Variants in SNAP23 observed in about 807,000 individuals in gnomAD.
SNAP23 encodes synaptosome associated protein 23.
A neutral mutation model predicts 29.0 loss-of-function variants in SNAP23; 11 were observed. The ratio of observed to expected loss-of-function variants is 0.38; its 90% CI spans 0.24 to 0.63. The LOEUF (loss-of-function observed/expected upper bound fraction) is 0.63. Among genes scored for constraint, SNAP23 ranks in the 20% least tolerant of loss-of-function variants. SNAP23 has a pLI of 0.58. For missense variants in SNAP23, 220 were observed against 253.9 expected, an observed-to-expected ratio of 0.87 and a Z score of 0.91; for synonymous variants, 60 against 82.9, an observed-to-expected ratio of 0.72 and a Z score of 1.50.
At position 42,531,469 on chromosome 15, in the gene SNAP23, T is replaced by A; in HGVS notation, c.627T>A (p.Ile209=). The A allele has an allele frequency of 3.7e-6, 6 of 1,602,234 alleles. No homozygotes were observed. The highest frequency in any genetic ancestry group is 5.1e-6 in the Non-Finnish European group (6 of 1,175,190). Residue 209 remains isoleucine (I), a synonymous_variant, in exon 8 of 8, where the codon ATT becomes ATA. Coordinates refer to ENST00000249647, the MANE Select transcript of SNAP23 (RefSeq NM_003825.4). ...CCAATGCCAGAGCAAAGAAACTCAT[T>A]GACAGCTAAAGCTACTGCTGTTCTT... The part of the protein sequence containing the change: ...DIANARAKKL[I]DS
upstream of SNAP23, chr15:42,491,487 G>C (rs565205552): frequency 6.6e-6 from 1 of 152,252 alleles, no homozygotes; most frequent in Non-Finnish European, 1.5e-5. Flanking sequence ...ACTTTCTGAA[G>C]TTGAATGGAA....
chr15:42,509,424 A>T (rs1205760364), intron 1 of SNAP23, among the ~76,000 whole-genome samples: 1 of 151,816 alleles, frequency 6.6e-6, no homozygotes, highest in Admixed American at 6.6e-5. Flanking sequence ...TAATGGCTTT[A>T]ATCAAGGCTC....
intron 1 of SNAP23, among the ~76,000 whole-genome samples, chr15:42,500,622 T>G (rs1375420972): frequency 6.6e-6 from 1 of 152,046 alleles, no homozygotes; most frequent in Non-Finnish European, 1.5e-5. Context: ...ACTCCTGACC[T>G]CAGATGATCT....
At chr15:42,519,096 C>T (rs1338598670) in intron 5 of SNAP23, among the ~76,000 whole-genome samples, 1 of 151,028 alleles carries the variant, frequency 6.6e-6, no homozygotes, top group Non-Finnish European at 1.5e-5. Flanking sequence ...ACTCTGTTGC[C>T]CAGGCTAGAG....
chr15:42,512,846 G>A (rs780789023), intron 2 of SNAP23, 109 bp from the exon 3 acceptor site: 19 of 775,374 alleles, frequency 2.5e-5, no homozygotes, highest in African/African-American at 1.0e-4. Flanking sequence ...CACTGTGCCC[G>A]GCCTGAGCTG....
rs2057570584 is a variant in SNAP23, at chr15:42,532,077, T to C, written c.*599T>C. 1 of 152,076 alleles carries C rather than the reference T, an allele frequency of 6.6e-6. No homozygotes were observed. The highest frequency in any genetic ancestry group is 2.1e-4 in the South Asian group (1 of 4,838). The allele number at this position is 152,076 out of a possible 1,614,324, so 9.4% of individuals were successfully genotyped here. ...GCAACCTCTGCTCCAAAGAGAAAAA[T>C]AGAATGAGTTTTCTTTCTTTTTTTT... On this transcript the variant is annotated 3_prime_UTR_variant, in exon 8 of 8. Transcript: ENST00000249647.
rs557777270 is a variant in SNAP23 at position 42,496,595 on chromosome 15, T to C, written c.-15+882T>C. Among the ~76,000 whole-genome samples, 9 of 152,196 alleles carry C rather than the reference T, an allele frequency of 5.9e-5. No homozygotes were observed. In the South Asian group the frequency reaches 1.0e-3, roughly 18 times the overall value. ...AGCCAGGCGTGGTGGTATATGCTTG[T>C]AATCCCAGCTACTCCGGAGGCTGAG... On this transcript the variant is annotated intron_variant, in intron 1 of 7. Coordinates refer to ENST00000249647, the MANE Select transcript of SNAP23 (RefSeq NM_003825.4).
chr15:42,524,910 C>A (rs2088928873), intron 5 of SNAP23, among the ~76,000 whole-genome samples: 1 of 152,130 alleles, frequency 6.6e-6, no homozygotes, highest in South Asian at 2.1e-4. Context: ...CTTGAGCAAC[C>A]AAAAGGCATT....
At chr15:42,526,242 T>C (rs1231704874) in intron 5 of SNAP23, among the ~76,000 whole-genome samples, 1 of 152,254 alleles carries the variant, frequency 6.6e-6, no homozygotes, top group Non-Finnish European at 1.5e-5. Flanking sequence ...CCTGGGACCT[T>C]TCTTATTATT....
chr15:42,529,392 C>T (rs1271047756), intron 6 of SNAP23, among the ~76,000 whole-genome samples: 1 of 152,174 alleles, frequency 6.6e-6, no homozygotes, highest in Non-Finnish European at 1.5e-5. Flanking sequence ...TGAGAATTAG[C>T]ATTCTCATGT....
At chr15:42,494,326 T>TA (rs1359606654), upstream of SNAP23, among the ~76,000 whole-genome samples, 13 of 150,426 alleles carry the variant, frequency 8.6e-5, no homozygotes, top group Middle Eastern at 3.3e-3. Context: ...GTTATGAAAT[T>TA]AAAAAAAACA....
intron 1 of SNAP23, among the ~76,000 whole-genome samples, chr15:42,503,259 C>T (rs1277228876): frequency 2.0e-5 from 3 of 151,834 alleles, no homozygotes; most frequent in Non-Finnish European, 2.9e-5. Context: ...TGGAGTGCAG[C>T]GGTGCGATCT....
chr15:42,518,948 G>A (rs1237037510), intron 5 of SNAP23, among the ~76,000 whole-genome samples: 7 of 151,584 alleles, frequency 4.6e-5, no homozygotes, highest in Non-Finnish European at 1.0e-4. Flanking sequence ...CTGCAGCCTC[G>A]ACCTCCTAGG....
At chr15:42,497,249 C>T (rs1448887367) in intron 1 of SNAP23, among the ~76,000 whole-genome samples, 1 of 145,904 alleles carries the variant, frequency 6.9e-6, no homozygotes, top group Non-Finnish European at 1.5e-5. Context: ...TGCTCTGTCG[C>T]TCAGGCTGGA....
In SNAP23 at chr15:42,530,263, AAATT is replaced by A. The variant is rs577835295; in HGVS notation, c.570+447_570+450del. Among the ~76,000 whole-genome samples, 33 of 152,336 alleles carry A rather than the reference AAATT, an allele frequency of 2.2e-4. No homozygotes were observed. In the South Asian group the frequency reaches 3.5e-3, roughly 16 times the overall value. On this transcript the variant is annotated intron_variant, in intron 7 of 7. Transcript: ENST00000249647. ...TCAGCCTATTTTGTTAACTAAAAATAAATTAAGTTCCTGAATCCTCATCTCATGA... is the reference window on the plus strand; with the variant it reads ...TCAGCCTATTTTGTTAACTAAAAATAAAGTTCCTGAATCCTCATCTCATGA...
intron 5 of SNAP23, among the ~76,000 whole-genome samples, chr15:42,520,160 G>C (rs1595526127): frequency 6.9e-6 from 1 of 145,084 alleles, no homozygotes; most frequent in South Asian, 2.2e-4. Flanking sequence ...AAGTGATTCT[G>C]CTGCCTCAGC....
rs777132028 is a variant in SNAP23 at position 42,531,561 on chromosome 15, C to T, written c.*83C>T. Reference sequence around the variant, plus strand: ...ATTACCTTTTCAGAGTTTAAGTTTTCGGTTCCACGCTCTTCTAATTGGGAG... The same window carrying T: ...ATTACCTTTTCAGAGTTTAAGTTTTTGGTTCCACGCTCTTCTAATTGGGAG... On this transcript the variant is annotated 3_prime_UTR_variant, in exon 8 of 8. Transcript: ENST00000249647. The T allele has an allele frequency of 8.0e-6, 8 of 1,000,554 alleles. No individual in the cohort carries two copies. Among genetic ancestry groups the T allele is most frequent in the Middle Eastern group, 2.8e-4 (1 of 3,630 alleles). The allele number at this position is 1,000,554 out of a possible 1,614,324, so 62.0% of individuals were successfully genotyped here.
At chr15:42,528,997 G>GA (rs550707807) in intron 6 of SNAP23, among the ~76,000 whole-genome samples, 8 of 152,078 alleles carry the variant, frequency 5.3e-5, no homozygotes, top group African/African-American at 1.9e-4. Context: ...TTTATATATA[G>GA]AAAAAAATAG....
chr15:42,510,346 G>T lies in SNAP23; in HGVS notation c.-14-1487G>T, dbSNP rs569701114. Among the ~76,000 whole-genome samples the T allele has an allele frequency of 3.9e-5, 6 of 152,114 alleles. No homozygotes were observed. The South Asian group carries it at 1.2e-3, about 32-fold the overall frequency. On this transcript the variant is annotated intron_variant, in intron 1 of 7. Coordinates refer to ENST00000249647, the MANE Select transcript of SNAP23 (RefSeq NM_003825.4). ...AGATGGGGTTTTGCCATGTTGCCCA[G>T]GCTGAACTCCAACTCCTGAGCTCAA...
Sources: gnomAD v4.1 joint callset for allele counts (sites outside exome capture counted in the v4.1 genomes callset) on GRCh38, gnomAD v4.1.1 for gene constraint, MANE v1.5 for transcripts, NCBI Gene and HGNC (gene_info 2026-07-23, HGNC 2026-07-21) for gene names.